GULP1: variants seen among roughly 807,000 people sequenced by gnomAD.
GULP1 encodes PTB domain-containing engulfment adapter protein 1.
Under a neutral mutation model 40.9 loss-of-function variants are expected in GULP1, and 19 were observed. The ratio of observed to expected loss-of-function variants is 0.46; its 90% CI spans 0.32 to 0.68. The LOEUF (loss-of-function observed/expected upper bound fraction) is 0.68, where lower values mean the gene tolerates loss of function less well. Among genes scored for constraint, GULP1 ranks in the 30% least tolerant of loss-of-function variants. GULP1 has a pLI of 0.03. For missense variants in GULP1, 312 were observed against 362.2 expected (o/e 0.86, Z 1.12); for synonymous variants, 119 against 117.6 (o/e 1.01, Z -0.08).
At chr2:188,372,879 G>C (rs938501930) in intron 1 of GULP1, among the ~76,000 whole-genome samples, 3 of 151,894 alleles carry the variant, frequency 2.0e-5, no homozygotes, top group African/African-American at 7.2e-5. Flanking sequence ...GTAAATGTTA[G>C]ATAACTAAAA....
At chr2:188,298,420 A>T (rs1377565700) in intron 1 of GULP1, among the ~76,000 whole-genome samples, 3 of 152,016 alleles carry the variant, frequency 2.0e-5, no homozygotes, top group Non-Finnish European at 2.9e-5. Flanking sequence ...GAGAATTTTT[A>T]AGGAGTCACA....
At chr2:188,308,471 T>C (rs1309724845) in intron 1 of GULP1, among the ~76,000 whole-genome samples, 1 of 152,180 alleles carries the variant, frequency 6.6e-6, no homozygotes, top group East Asian at 1.9e-4. Context: ...AAAACAAATA[T>C]ATGAGTGTGT....
chr2:188,428,610 G>A (rs2056495276), intron 2 of GULP1, among the ~76,000 whole-genome samples: 1 of 152,046 alleles, frequency 6.6e-6, no homozygotes. Context: ...TCCTGCTTTG[G>A]ACATGTAAAG....
chr2:188,497,668 A>G (rs2063034052), intron 4 of GULP1, among the ~76,000 whole-genome samples: 1 of 152,012 alleles, frequency 6.6e-6, no homozygotes, highest in Non-Finnish European at 1.5e-5. Flanking sequence ...TACTAGGTGC[A>G]GACTCCAGGT....
intron 6 of GULP1, among the ~76,000 whole-genome samples, chr2:188,535,882 G>A (rs977809571): frequency 1.3e-5 from 2 of 151,956 alleles, no homozygotes; most frequent in African/African-American, 4.8e-5. Context: ...TTTAATAAGA[G>A]TGATTCTGAT....
chr2:188,510,455 A>C (rs973576239), intron 4 of GULP1, among the ~76,000 whole-genome samples: 7 of 152,130 alleles, frequency 4.6e-5, no homozygotes, highest in African/African-American at 9.7e-5. Context: ...TTAAAAAATA[A>C]TACTACTAGA....
At chr2:188,465,316 G>A (rs2060021859) in intron 2 of GULP1, among the ~76,000 whole-genome samples, 1 of 151,958 alleles carries the variant, frequency 6.6e-6, no homozygotes, top group Non-Finnish European at 1.5e-5. Flanking sequence ...AGGAAGCTAA[G>A]GTCTGAACAG....
At chr2:188,434,529 G>A in intron 2 of GULP1, among the ~76,000 whole-genome samples, 1 of 144,924 alleles carries the variant, frequency 6.9e-6, no homozygotes, top group South Asian at 2.1e-4. Context: ...TTATATGTTG[G>A]ATTTTTTTTT....
chr2:188,455,418 T>A (rs571184492), intron 2 of GULP1, among the ~76,000 whole-genome samples: 6 of 152,282 alleles, frequency 3.9e-5, no homozygotes, highest in Non-Finnish European at 8.8e-5. Flanking sequence ...AGGACTTTCC[T>A]GAGCTGTTCT....
At chr2:188,406,392 T>A (rs998922667) in intron 2 of GULP1, among the ~76,000 whole-genome samples, 103 of 152,250 alleles carry the variant, frequency 6.8e-4, no homozygotes, top group African/African-American at 2.4e-3. Context: ...TAACCAAAAT[T>A]TTGATATGCA....
At chr2:188,407,519 A>G (rs1435468058) in intron 2 of GULP1, among the ~76,000 whole-genome samples, 3 of 152,232 alleles carry the variant, frequency 2.0e-5, no homozygotes, top group African/African-American at 7.2e-5. Flanking sequence ...TGTGAGTGAT[A>G]TGGTAAAAGT....
chr2:188,367,773 C>T (rs546429669), intron 1 of GULP1, among the ~76,000 whole-genome samples: 2 of 152,226 alleles, frequency 1.3e-5, no homozygotes, highest in Middle Eastern at 3.4e-3. Flanking sequence ...ACTCTGGACC[C>T]AGCCATCATC....
intron 2 of GULP1, among the ~76,000 whole-genome samples, chr2:188,457,253 A>C (rs771080750): frequency 1.7e-4 from 26 of 152,308 alleles, no homozygotes; most frequent in Admixed American, 4.6e-4. Flanking sequence ...GGGAGTGGCC[A>C]GGTGCCAAAT....
At chr2:188,340,536 C>T (rs2042824063) in intron 1 of GULP1, among the ~76,000 whole-genome samples, 1 of 152,156 alleles carries the variant, frequency 6.6e-6, no homozygotes, top group Non-Finnish European at 1.5e-5. Flanking sequence ...CTCATGACCC[C>T]TGAAGCCTCA....
At chr2:188,357,663 A>T (rs946065056) in intron 1 of GULP1, among the ~76,000 whole-genome samples, 3 of 152,184 alleles carry the variant, frequency 2.0e-5, no homozygotes, top group Admixed American at 2.0e-4. Flanking sequence ...AACTGAAAAT[A>T]GAATTGCCGT....
At chr2:188,524,296 T>G (rs906320582) in intron 5 of GULP1, among the ~76,000 whole-genome samples, 5 of 152,180 alleles carry the variant, frequency 3.3e-5, no homozygotes, top group African/African-American at 1.2e-4. Flanking sequence ...AATGACGAGT[T>G]TACATATATT....
chr2:188,420,292 A>G (rs768875976), intron 2 of GULP1, among the ~76,000 whole-genome samples: 13 of 152,218 alleles, frequency 8.5e-5, no homozygotes, highest in Non-Finnish European at 1.9e-4. Flanking sequence ...TATTTTAACA[A>G]TATTGTCTTT....
chr2:188,389,954 TC>T (rs1418006476), intron 2 of GULP1, among the ~76,000 whole-genome samples: 6 of 151,906 alleles, frequency 3.9e-5, no homozygotes, highest in African/African-American at 1.5e-4. Flanking sequence ...CATTATTTCA[TC>T]CTTTTTTTTT....
intron 1 of GULP1, among the ~76,000 whole-genome samples, chr2:188,312,966 G>GT (rs1311448222): frequency 8.8e-6 from 1 of 113,778 alleles, no homozygotes; most frequent in East Asian, 4.0e-4. Context: ...TGATGGGGTT[G>GT]TTTGTTTTTT....
Sources: allele counts gnomAD v4.1 joint callset (sites outside exome capture counted in the v4.1 genomes callset), GRCh38; gene constraint gnomAD v4.1.1; transcripts MANE v1.5; gene names NCBI Gene and HGNC (gene_info 2026-07-23, HGNC 2026-07-21).